OTUD4: variants seen among roughly 807,000 people sequenced by gnomAD.
OTUD4 encodes OTU deubiquitinase 4.
In OTUD4, 24 loss-of-function variants were observed where a neutral mutation model predicts 130.4. That is an observed-to-expected ratio of 0.18 (90% CI 0.13 to 0.26). OTUD4 has a LOEUF of 0.26. Among genes scored for constraint, OTUD4 ranks in the 10% least tolerant of loss-of-function variants. OTUD4 has a pLI of 1.00. For missense variants in OTUD4, 1,031 were observed against 1,329.4 expected (o/e 0.78, Z 3.49); for synonymous variants, 420 against 472.5 (o/e 0.89, Z 1.44).
At chr4:145,151,464 T>C (rs985523090) in intron 11 of OTUD4, among the ~76,000 whole-genome samples, 5 of 151,994 alleles carry the variant, frequency 3.3e-5, no homozygotes, top group Admixed American at 1.3e-4. Flanking sequence ...TCAAACCCCA[T>C]CTCTACTAAA....
In OTUD4 at chr4:145,180,071, C is replaced by T. The variant is rs1214670695; in HGVS notation, c.-98G>A. On this transcript the variant is annotated 5_prime_UTR_variant, in exon 1 of 21. Coordinates refer to ENST00000447906, the MANE Select transcript of OTUD4 (RefSeq NM_001366057.1). ...CCCCGGCCTGGGGCAGGCGGCGGCTCGGGCTGGGGCTCGGGCTCCGCGAGC... is the reference window on the plus strand; with the variant it reads ...CCCCGGCCTGGGGCAGGCGGCGGCTTGGGCTGGGGCTCGGGCTCCGCGAGC... 3.1e-5 allele frequency: 31 copies of T among 1,002,882 alleles called. No individual in the cohort carries two copies. The highest frequency in any genetic ancestry group is 4.9e-5 in the East Asian group (1 of 20,278). 62.1% of individuals were successfully genotyped at this position (1,002,882 alleles called of 1,614,324 possible). A position where few individuals can be genotyped will look rare whatever the true frequency, so the allele number is the denominator to read the frequency against.
In OTUD4 at chr4:145,138,504, A is replaced by G; in HGVS notation, c.2271T>C (p.Asn757=). 1 of 1,614,156 alleles carries G rather than the reference A, an allele frequency of 6.2e-7. No homozygotes were observed. Among genetic ancestry groups the G allele is most frequent in the Non-Finnish European group, 8.5e-7 (1 of 1,180,020 alleles). The part of the protein sequence containing the change: ...PWFQEAPAAQ[N]ESDCTCTDAH... ...CATCAGTACAGGTACAATCACTTTC[A>G]TTCTGAGCAGCAGGAGCCTCTTGGA... The change falls in exon 21 of 21, where the codon AAT becomes AAC. Residue 757 remains asparagine (N), a synonymous_variant. Coordinates refer to ENST00000447906, the MANE Select transcript of OTUD4 (RefSeq NM_001366057.1).
rs1457792451 is a variant in OTUD4 at position 145,133,664 on chromosome 4, T to G, written c.*3766A>C. ...CACAAGCAGAATCAAGAGACAAAATTTAATATATGCACACAGTTTTATATA... is the reference window on the plus strand; with the variant it reads ...CACAAGCAGAATCAAGAGACAAAATGTAATATATGCACACAGTTTTATATA... On this transcript the variant is annotated 3_prime_UTR_variant, in exon 21 of 21. Coordinates refer to ENST00000447906, the MANE Select transcript of OTUD4 (RefSeq NM_001366057.1). 5 of 152,720 alleles carry G rather than the reference T, an allele frequency of 3.3e-5. No individual in the cohort carries two copies. The East Asian group carries it at 9.6e-4, about 29-fold the overall frequency. The allele number at this position is 152,720 out of a possible 1,614,324, so 9.5% of individuals were successfully genotyped here. A position where few individuals can be genotyped will look rare whatever the true frequency, so the allele number is the denominator to read the frequency against.
chr4:145,167,874 A>G (rs1320284016), intron 3 of OTUD4, among the ~76,000 whole-genome samples: 2 of 152,156 alleles, frequency 1.3e-5, no homozygotes, highest in Non-Finnish European at 2.9e-5. Context: ...AAAATTAAAA[A>G]TGAAAAATTC....
Position 145,137,859 on chromosome 4 carries a change from T to C in OTUD4, c.2916A>G (p.Arg972=). The C allele has an allele frequency of 6.2e-7, 1 of 1,614,154 alleles. No homozygotes were observed. Among genetic ancestry groups the C allele is most frequent in the South Asian group, 1.1e-5 (1 of 91,088 alleles). The change falls in exon 21 of 21, where the codon AGA becomes AGG. Residue 972 remains arginine, a synonymous_variant. Transcript: ENST00000447906. ...GTTCAAGTTCAACAGGCACAGTTTC[T>C]CTCTCTCTGTTTAGAATCTGAGTGG... The part of the protein sequence containing the change: ...HPPTQILNRE[R]ETVPVELEPK...
At chr4:145,172,784 A>C (rs1392278920) in intron 2 of OTUD4, among the ~76,000 whole-genome samples, 1 of 152,170 alleles carries the variant, frequency 6.6e-6, no homozygotes, top group Non-Finnish European at 1.5e-5. Flanking sequence ...CATATATATT[A>C]AAGAGCCCAC....
Position 145,146,290 on chromosome 4 carries a change from C to T in OTUD4, c.1399G>A (p.Glu467Lys). 1 of 1,564,678 alleles carries T rather than the reference C, an allele frequency of 6.4e-7. No homozygotes were observed. Among genetic ancestry groups the T allele is most frequent in the South Asian group, 1.2e-5 (1 of 80,644 alleles). ...RLLYEIQNRD[E>K]QAFPALSSSS... Reference sequence around the variant, plus strand: ...ACGGAAAGGGCTGGGAAAGCCTGTTCATCTCTGTTCTGAATCTCATAGAGT... The same window carrying T: ...ACGGAAAGGGCTGGGAAAGCCTGTTTATCTCTGTTCTGAATCTCATAGAGT... Residue 467 changes from glutamate to lysine, a missense_variant, in exon 14 of 21, where the codon GAA becomes AAA. This residue lies in a region of OTUD4 where 900 missense variants were observed against 1,095.9 expected (regional missense o/e 0.82). Transcript: ENST00000447906.
At chr4:145,158,798 T>C (rs1751421472) in intron 7 of OTUD4, among the ~76,000 whole-genome samples, 1 of 152,202 alleles carries the variant, frequency 6.6e-6, no homozygotes, top group Non-Finnish European at 1.5e-5. Flanking sequence ...TTATATGCTA[T>C]CTCAGATTGA....
intron 3 of OTUD4, among the ~76,000 whole-genome samples, chr4:145,167,651 G>C (rs866404682): frequency 4.5e-4 from 69 of 152,290 alleles, no homozygotes; most frequent in African/African-American, 1.6e-3. Context: ...GAGGTCAGGA[G>C]TTCAGGACCA....
In OTUD4 at chr4:145,141,108, G is replaced by A. The variant is rs539440494; in HGVS notation, c.2083+271C>T. 2.0e-5 allele frequency among the ~76,000 whole-genome samples: 3 copies of A among 149,696 alleles called. No individual in the cohort carries two copies. In the East Asian group the frequency reaches 5.9e-4, roughly 29 times the overall value. On this transcript the variant is annotated intron_variant, in intron 19 of 20. Coordinates refer to ENST00000447906, the MANE Select transcript of OTUD4 (RefSeq NM_001366057.1). ...TGTTTGAATCTGGGAGGTGGAGGTT[G>A]CAGTGAGCCGAGATCACACCACTGC...
chr4:145,155,760 TA>T, intron 8 of OTUD4, 74 bp from the exon 9 acceptor site: 1 of 1,099,460 alleles, frequency 9.1e-7, no homozygotes, highest in Non-Finnish European at 1.3e-6. Context: ...CACGTAAAAC[TA>T]AAGTCAAATG....
chr4:145,179,500 A>G (rs996278725), intron 1 of OTUD4: 13 of 681,636 alleles, frequency 1.9e-5, no homozygotes, highest in Admixed American at 1.6e-4. Context: ...AGTAAAAAAT[A>G]TCATGTCGCC....
In OTUD4 at chr4:145,174,978, T is replaced by G. The variant is rs539763146; in HGVS notation, c.160-234A>C. Among the ~76,000 whole-genome samples the G allele has an allele frequency of 2.0e-5, 3 of 152,352 alleles. No homozygotes were observed. The South Asian group carries it at 6.2e-4, about 32-fold the overall frequency. Reference sequence around the variant, plus strand: ...TCTTAAGCCAAATTTGTAAAGAATTTATTAGCCTTTCTCCTTTAGGACATT... The same window carrying G: ...TCTTAAGCCAAATTTGTAAAGAATTGATTAGCCTTTCTCCTTTAGGACATT... On this transcript the variant is annotated intron_variant, in intron 1 of 20. Transcript: ENST00000447906.
intron 13 of OTUD4, among the ~76,000 whole-genome samples, chr4:145,146,714 A>G (rs1303192308): frequency 4.6e-5 from 7 of 152,214 alleles, no homozygotes; most frequent in African/African-American, 1.4e-4. Flanking sequence ...GGGAAAAGAA[A>G]AAAAAACTTA....
chr4:145,150,645 G>A lies in OTUD4; in HGVS notation c.1127C>T (p.Ala376Val). The change falls in exon 13 of 21, where the codon GCA becomes GTA. Residue 376 changes from alanine (A) to valine (V), a missense_variant. Physicochemically the swap from Ala to Val is moderately conservative, Grantham distance 64. Transcript: ENST00000447906. ...NPSKPIKAPS[A>V]LPPRLQHPSG... Reference sequence around the variant, plus strand: ...AGGATGCTGCAGTCGAGGAGGTAGTGCTGATGGGGCTTTTATTGGCTTGCT... The same window carrying A: ...AGGATGCTGCAGTCGAGGAGGTAGTACTGATGGGGCTTTTATTGGCTTGCT... 2 of 1,611,928 alleles carry A rather than the reference G, an allele frequency of 1.2e-6. No individual in the cohort carries two copies. The highest frequency in any genetic ancestry group is 1.1e-5 in the South Asian group (1 of 91,042).
At chr4:145,156,148 A>C (rs1751278878) in intron 7 of OTUD4, 152 bp from the exon 8 acceptor site, 2 of 569,770 alleles carry the variant, frequency 3.5e-6, no homozygotes, top group South Asian at 5.5e-5. Flanking sequence ...AAGTATATCT[A>C]TATATAAAAG....
At chr4:145,176,411 C>CATTAATAGAAAGTATCTTTAAAAGTT (rs1272088771) in intron 1 of OTUD4, among the ~76,000 whole-genome samples, 1 of 151,464 alleles carries the variant, frequency 6.6e-6, no homozygotes, top group East Asian at 1.9e-4. Flanking sequence ...CCTGGCCGGG[C>CATTAATAGAAAGTATCTTTAAAAGTT]ACTGTGGCTC....
chr4:145,152,884 C>CTT (rs34004833), intron 10 of OTUD4, among the ~76,000 whole-genome samples: 5 of 142,980 alleles, frequency 3.5e-5, no homozygotes, highest in African/African-American at 5.1e-5. Flanking sequence ...CCACACTCGG[C>CTT]TTTTTTTTTT....
chr4:145,178,839 G>T (rs1752550757), intron 1 of OTUD4, among the ~76,000 whole-genome samples: 1 of 152,146 alleles, frequency 6.6e-6, no homozygotes, highest in South Asian at 2.1e-4. Context: ...TGAGGGAAAA[G>T]AAAACAGAAA....
Sources: allele counts gnomAD v4.1 joint callset (sites outside exome capture counted in the v4.1 genomes callset), GRCh38; gene constraint gnomAD v4.1.1; regional missense constraint gnomAD v4.1.1; transcripts MANE v1.5; gene names NCBI Gene and HGNC (gene_info 2026-07-23, HGNC 2026-07-21).